ARHGAP35: variants seen among roughly 807,000 people sequenced by gnomAD.
ARHGAP35 encodes the protein Rho GTPase activating protein 35, also known as rho GTPase-activating protein 35.
Under a neutral mutation model 111.1 loss-of-function variants are expected in ARHGAP35, and 15 were observed. The ratio of observed to expected loss-of-function variants is 0.13; its 90% CI spans 0.09 to 0.21. The LOEUF is 0.21. Ranked by LOEUF, ARHGAP35 falls within the 10% of genes least tolerant of loss-of-function variation. The pLI, the probability that ARHGAP35 is intolerant of heterozygous loss-of-function variation, is 1.00. For missense variants in ARHGAP35, 1,262 were observed against 1,873.0 expected (o/e 0.67, Z 6.02); for synonymous variants, 643 against 710.3 (o/e 0.91, Z 1.51).
intron 1 of ARHGAP35, among the ~76,000 whole-genome samples, chr19:46,881,705 A>G (rs1276745703): frequency 2.0e-5 from 3 of 152,202 alleles, no homozygotes; most frequent in African/African-American, 4.8e-5. Context: ...ATTGGCTTCA[A>G]TTTAAAAAGT....
chr19:46,931,926 T>C (rs965492444), intron 2 of ARHGAP35, among the ~76,000 whole-genome samples: 2 of 152,222 alleles, frequency 1.3e-5, no homozygotes, highest in African/African-American at 2.4e-5. Flanking sequence ...GCAGAGCAGC[T>C]ACCACCATGC....
intron 1 of ARHGAP35, among the ~76,000 whole-genome samples, chr19:46,893,932 T>C (rs66841663): frequency 0.04 from 5,993 of 151,400 alleles, 183 homozygotes; most frequent in East Asian, 0.16. Flanking sequence ...TCTGCCATTA[T>C]TCTTAAATAC....
intron 3 of ARHGAP35, among the ~76,000 whole-genome samples, chr19:46,956,285 T>C (rs1444390478): frequency 6.6e-6 from 1 of 152,174 alleles, no homozygotes; most frequent in Non-Finnish European, 1.5e-5. Flanking sequence ...ACCATTGCAC[T>C]GCAACCTGGG....
intron 1 of ARHGAP35, among the ~76,000 whole-genome samples, chr19:46,865,024 G>A (rs1021595769): frequency 6.6e-6 from 1 of 152,228 alleles, no homozygotes; most frequent in Non-Finnish European, 1.5e-5. Context: ...ACAGAATAGA[G>A]AGCTGATTTT....
rs1014812353 is a variant in ARHGAP35, at chr19:46,988,419, C to T, written c.3904+353C>T. The T allele has an allele frequency of 3.7e-5, 10 of 268,248 alleles. No individual in the cohort carries two copies. Among genetic ancestry groups the T allele is most frequent in the African/African-American group, 9.0e-5 (4 of 44,636 alleles). 16.6% of individuals were successfully genotyped at this position (268,248 alleles called of 1,614,324 possible). On this transcript the variant is annotated intron_variant, in intron 4 of 6. Coordinates refer to ENST00000672722, the MANE Select transcript of ARHGAP35 (RefSeq NM_004491.5). The surrounding 1 kb of genome is among the most constrained non-coding windows in gnomAD (Gnocchi z 5.4). ...AGTTGCAGGCACATGATATACAAGT[C>T]GGGTTGAGATGTGATCCTGTTTTGC...
Position 47,000,310 on chromosome 19 carries a change from TGA to T in ARHGAP35, c.4143-19_4143-18del. The T allele has an allele frequency of 6.2e-7, 1 of 1,610,732 alleles. No homozygotes were observed. Among genetic ancestry groups the T allele is most frequent in the Non-Finnish European group, 8.5e-7 (1 of 1,178,028 alleles). ...TGGGGCCCTGCACAGTTCTGACCAT[TGA>T]GTTTGGTGTCGCCCGCAGGGTCAGC... is the stretch of plus-strand genomic sequence containing the variant. On this transcript the variant is annotated intron_variant, in intron 6 of 6. Coordinates refer to ENST00000672722, the MANE Select transcript of ARHGAP35 (RefSeq NM_004491.5). The surrounding 1 kb of genome is among the most constrained non-coding windows in gnomAD (Gnocchi z 6.9).
intron 1 of ARHGAP35, among the ~76,000 whole-genome samples, chr19:46,878,349 C>G (rs1354407527): frequency 6.6e-6 from 1 of 151,862 alleles, no homozygotes; most frequent in African/African-American, 2.4e-5. Flanking sequence ...GAGAGAGACT[C>G]TCACTCTGTC....
chr19:46,895,912 G>A (rs536323557), intron 1 of ARHGAP35, among the ~76,000 whole-genome samples: 1 of 152,212 alleles, frequency 6.6e-6, no homozygotes, highest in African/African-American at 2.4e-5. Context: ...AGACCAGCCT[G>A]GCCAACATGG....
chr19:46,996,253 G>A (rs2056706859), intron 5 of ARHGAP35, among the ~76,000 whole-genome samples: 1 of 152,024 alleles, frequency 6.6e-6, no homozygotes, highest in Non-Finnish European at 1.5e-5. Context: ...ATAGGCACAC[G>A]CCACCAGACC....
At chr19:46,892,123 T>TAAAAAAAAAAA (rs1178888092) in intron 1 of ARHGAP35, among the ~76,000 whole-genome samples, 1 of 53,894 alleles carries the variant, frequency 1.9e-5, no homozygotes, top group Non-Finnish European at 3.6e-5. Flanking sequence ...CTGTCTCTAC[T>TAAAAAAAAAAA]AAAAAAAAAA....
At chr19:46,932,239 G>T (rs771309292) in intron 2 of ARHGAP35, among the ~76,000 whole-genome samples, 1 of 152,200 alleles carries the variant, frequency 6.6e-6, no homozygotes, top group Non-Finnish European at 1.5e-5. Context: ...CCAAGATTGC[G>T]CTACGGCACT....
At chr19:46,878,251 G>C (rs1301285930) in intron 1 of ARHGAP35, among the ~76,000 whole-genome samples, 2 of 152,082 alleles carry the variant, frequency 1.3e-5, no homozygotes, top group African/African-American at 4.8e-5. Flanking sequence ...TCAAACTCCT[G>C]ACCTCAAGTG....
intron 1 of ARHGAP35, among the ~76,000 whole-genome samples, chr19:46,904,031 A>G (rs890301142): frequency 6.6e-6 from 1 of 152,154 alleles, no homozygotes; most frequent in South Asian, 2.1e-4. Flanking sequence ...AATAAATGGG[A>G]CTGGCTGGAT....
chr19:46,941,021 C>A (rs897474577), intron 3 of ARHGAP35, among the ~76,000 whole-genome samples: 3 of 148,872 alleles, frequency 2.0e-5, no homozygotes, highest in Admixed American at 6.7e-5. Context: ...TGTTACTATG[C>A]CATTGTCCCC....
rs1367696580 is a variant in ARHGAP35, at chr19:46,919,041, G to A, written c.366G>A (p.Ala122=). The part of the protein sequence containing the change: ...ALQPYIKRAA[A]TKLASAEKLM... Reference sequence around the variant, plus strand: ...AGCCCTATATCAAGAGAGCTGCTGCGACCAAGCTTGCATCAGCTGAAAAAC... The same window carrying A: ...AGCCCTATATCAAGAGAGCTGCTGCAACCAAGCTTGCATCAGCTGAAAAAC... The change falls in exon 2 of 7, where the codon GCG becomes GCA. Residue 122 remains alanine (A), a synonymous_variant. Coordinates refer to ENST00000672722, the MANE Select transcript of ARHGAP35 (RefSeq NM_004491.5). This position sits in a 1 kb window ranked among gnomAD's most constrained non-coding sequence, Gnocchi z 6.2. 5.0e-6 allele frequency: 8 copies of A among 1,613,862 alleles called. No homozygotes were observed. The highest frequency in any genetic ancestry group is 2.2e-5 in the East Asian group (1 of 44,894).
At chr19:46,923,810 A>G (rs2056222046) in intron 2 of ARHGAP35, among the ~76,000 whole-genome samples, 1 of 151,582 alleles carries the variant, frequency 6.6e-6, no homozygotes, top group Non-Finnish European at 1.5e-5. Context: ...AGTCCCAGCT[A>G]CTCAGGAGGC....
At chr19:46,870,195 C>T (rs1394480166) in intron 1 of ARHGAP35, among the ~76,000 whole-genome samples, 1 of 151,596 alleles carries the variant, frequency 6.6e-6, no homozygotes, top group Non-Finnish European at 1.5e-5. Flanking sequence ...GTGATCCGCC[C>T]ACCTCTGCCT....
intron 5 of ARHGAP35, among the ~76,000 whole-genome samples, chr19:46,990,475 G>A (rs2056674038): frequency 6.6e-6 from 1 of 152,192 alleles, no homozygotes; most frequent in African/African-American, 2.4e-5. Flanking sequence ...TTCCTGCTTT[G>A]TGCCTCTGGC....
At chr19:46,975,718 T>C (rs1241955294) in intron 3 of ARHGAP35, among the ~76,000 whole-genome samples, 2 of 152,136 alleles carry the variant, frequency 1.3e-5, no homozygotes, top group Non-Finnish European at 2.9e-5. Context: ...TTTTATAGCA[T>C]TGGACTGAGC....
Sources: allele counts gnomAD v4.1 joint callset (sites outside exome capture counted in the v4.1 genomes callset), GRCh38; gene constraint gnomAD v4.1.1; non-coding constraint Gnocchi (gnomAD v3.1); transcripts MANE v1.5; gene names NCBI Gene and HGNC (gene_info 2026-07-23, HGNC 2026-07-21).